ADGRB1: variants seen among roughly 807,000 people sequenced by gnomAD.
ADGRB1 encodes the protein adhesion G protein-coupled receptor B1, also known as brain-specific angiogenesis inhibitor 1.
Under a neutral mutation model 175.7 loss-of-function variants are expected in ADGRB1, and 36 were observed. The observed-to-expected ratio is 0.20, with a 90% confidence interval of 0.16 to 0.27. The LOEUF is 0.27. Among genes scored for constraint, ADGRB1 ranks in the 10% least tolerant of loss-of-function variants. The pLI is 1.00. For synonymous variants in ADGRB1, 1,054 were observed against 979.4 expected (o/e 1.08, Z -1.42); for missense variants, 1,731 against 2,255.3 (o/e 0.77, Z 4.71).
At chr8:142,459,531 C>T (rs993456042) in intron 1 of ADGRB1, among the ~76,000 whole-genome samples, 2 of 152,192 alleles carry the variant, frequency 1.3e-5, no homozygotes, top group Admixed American at 1.3e-4. Flanking sequence ...GCACACCCTC[C>T]TCTCCCAGCC....
chr8:142,466,169 C>T (rs184443955), intron 2 of ADGRB1, among the ~76,000 whole-genome samples: 74 of 152,180 alleles, frequency 4.9e-4, no homozygotes, highest in African/African-American at 1.5e-3. Flanking sequence ...CTGCATACAT[C>T]GGGTGTTCGG....
chr8:142,468,144 C>T lies in ADGRB1; in HGVS notation c.784+3162C>T, dbSNP rs115002138. Among the ~76,000 whole-genome samples, 290 of 152,108 alleles carry T rather than the reference C, an allele frequency of 1.9e-3. 4 individuals are homozygous for T. Among genetic ancestry groups the T allele is most frequent in the African/African-American group, 6.8e-3 (280 of 41,462 alleles). On this transcript the variant is annotated intron_variant, in intron 2 of 30. Coordinates refer to ENST00000517894, the MANE Select transcript of ADGRB1 (RefSeq NM_001702.3). Reference sequence around the variant, plus strand: ...GGCATGTGCACGTTTGCATGCATGGCATACATGTGTGCATATGTGCTCATG... The same window carrying T: ...GGCATGTGCACGTTTGCATGCATGGTATACATGTGTGCATATGTGCTCATG...
intron 25 of ADGRB1, among the ~76,000 whole-genome samples, chr8:142,535,555 G>A (rs1022725994): frequency 6.6e-6 from 1 of 152,210 alleles, no homozygotes; most frequent in Non-Finnish European, 1.5e-5. Flanking sequence ...GGGCTGCAGA[G>A]CATGCTGAGG....
chr8:142,463,584 A>C (rs1346675819), intron 1 of ADGRB1, among the ~76,000 whole-genome samples: 1 of 152,198 alleles, frequency 6.6e-6, no homozygotes, highest in African/African-American at 2.4e-5. Context: ...TACACCCTCC[A>C]CTCACAGAGG....
At chr8:142,459,585 C>A (rs529705759) in intron 1 of ADGRB1, among the ~76,000 whole-genome samples, 1 of 152,226 alleles carries the variant, frequency 6.6e-6, no homozygotes, top group South Asian at 2.1e-4. Context: ...AAGTACAGCA[C>A]GAAGCCCAGG....
chr8:142,496,490 G>C (rs1842222685), intron 17 of ADGRB1, among the ~76,000 whole-genome samples: 1 of 152,200 alleles, frequency 6.6e-6, no homozygotes, highest in African/African-American at 2.4e-5. Context: ...TGGGTGACAG[G>C]AAGTTGATGG....
In ADGRB1 at chr8:142,489,050, C is replaced by T; in HGVS notation, c.2468C>T (p.Ser823Phe). The change falls in exon 15 of 31, where the codon TCC (serine) becomes TTC (phenylalanine). Residue 823 changes from serine to phenylalanine, a missense_variant. Ser to Phe is a radical substitution (Grantham distance 155). Transcript: ENST00000517894. ...STGLTEADEASVFVVGTVLYR... is the reference protein window; with the variant it reads ...STGLTEADEAFVFVVGTVLYR... ...TTTCTTCCAGAGGCCGATGAAGCAT[C>T]CGTGTTTGTGGTGGGCACCGTGCTC... is the stretch of plus-strand genomic sequence containing the variant. 1 of 1,612,010 alleles carries T rather than the reference C, an allele frequency of 6.2e-7. No homozygotes were observed. The highest frequency in any genetic ancestry group is 1.1e-5 in the South Asian group (1 of 90,842).
intron 2 of ADGRB1, among the ~76,000 whole-genome samples, chr8:142,467,905 C>T (rs927350045): frequency 3.3e-5 from 5 of 152,170 alleles, no homozygotes; most frequent in Non-Finnish European, 5.9e-5. Context: ...TCAATATGCT[C>T]GCGTATTCTT....
intron 1 of ADGRB1, among the ~76,000 whole-genome samples, chr8:142,453,261 A>G (rs1210937115): frequency 6.6e-6 from 1 of 152,118 alleles, no homozygotes. Flanking sequence ...AGACTTGCAC[A>G]TGTGTGTGCG....
In ADGRB1 at chr8:142,542,151, CACTG is replaced by C; in HGVS notation, c.3920_3923del (p.Leu1307ProfsTer26). ...CCCCTGCCCGACTTCCCCAACCACT[CACTG>C]ACCCTCAAGAGGGACAAGGCGCCCA... is the stretch of plus-strand genomic sequence containing the variant. On this transcript the variant is annotated frameshift_variant, in exon 28 of 31. Transcript: ENST00000517894. LOFTEE classifies it high-confidence loss of function. The surrounding 1 kb of genome is among the most constrained non-coding windows in gnomAD (Gnocchi z 6.3). 6.2e-7 allele frequency: 1 copy of C among 1,613,632 alleles called. No individual in the cohort carries two copies. The highest frequency in any genetic ancestry group is 2.2e-5 in the East Asian group (1 of 44,868).
At chr8:142,483,204 ACACTGAGCCCTGACCCTGGTCG>A (rs1356662807) in intron 11 of ADGRB1, among the ~76,000 whole-genome samples, 6 of 147,330 alleles carry the variant, frequency 4.1e-5, no homozygotes, top group Admixed American at 2.0e-4. Flanking sequence ...CCCTGGTCAC[ACACTGAGCCCTGACCCTGGTCG>A]CACTGAGCCC....
intron 24 of ADGRB1, 38 bp downstream of exon 24, chr8:142,526,665 G>A: frequency 1.3e-6 from 2 of 1,578,720 alleles, no homozygotes; most frequent in Non-Finnish European, 1.7e-6. Context: ...CCCACCCGGA[G>A]TGCAAGACCC....
intron 20 of ADGRB1, among the ~76,000 whole-genome samples, chr8:142,521,261 C>T (rs1054477161): frequency 3.3e-5 from 5 of 152,148 alleles, no homozygotes; most frequent in African/African-American, 1.2e-4. Context: ...GAGTGGCACT[C>T]AAGACGAGTG....
intron 12 of ADGRB1, 44 bp from the exon 13 acceptor site, chr8:142,484,612 C>T (rs968040883): frequency 9.7e-6 from 15 of 1,545,274 alleles, no homozygotes; most frequent in Non-Finnish European, 1.3e-5. Context: ...GGCTAAGGGA[C>T]AGTGGGGCCT....
chr8:142,517,131 C>G (rs1843492481), intron 18 of ADGRB1, among the ~76,000 whole-genome samples: 1 of 152,106 alleles, frequency 6.6e-6, no homozygotes. Context: ...AACCAGGGGG[C>G]CTGGGGGGCT....
chr8:142,458,998 G>A (rs1839828656), intron 1 of ADGRB1, among the ~76,000 whole-genome samples: 3 of 152,220 alleles, frequency 2.0e-5, no homozygotes, highest in Admixed American at 2.0e-4. Context: ...AACACTTAAA[G>A]ACAGGAGTGG....
At chr8:142,458,773 G>A (rs1202513050) in intron 1 of ADGRB1, among the ~76,000 whole-genome samples, 1 of 152,218 alleles carries the variant, frequency 6.6e-6, no homozygotes, top group Non-Finnish European at 1.5e-5. Flanking sequence ...GTTTGACCCT[G>A]GAGAAGGTGA....
intron 24 of ADGRB1, among the ~76,000 whole-genome samples, chr8:142,531,001 A>G (rs1226310870): frequency 1.3e-5 from 2 of 152,238 alleles, no homozygotes; most frequent in Admixed American, 6.5e-5. Flanking sequence ...GCCACCTGCC[A>G]GCCGCAGCAG....
At chr8:142,513,672 A>G (rs1381569446) in intron 18 of ADGRB1, among the ~76,000 whole-genome samples, 1 of 152,182 alleles carries the variant, frequency 6.6e-6, no homozygotes, top group Non-Finnish European at 1.5e-5. Context: ...GCATGGCCAC[A>G]GCCTTCTCCC....
Sources: gnomAD v4.1 joint callset for allele counts (sites outside exome capture counted in the v4.1 genomes callset) on GRCh38, gnomAD v4.1.1 for gene constraint, Gnocchi (gnomAD v3.1) non-coding constraint, MANE v1.5 for transcripts, NCBI Gene and HGNC (gene_info 2026-07-23, HGNC 2026-07-21) for gene names.